CADPS2: variants seen among roughly 807,000 people sequenced by gnomAD.
The protein encoded by CADPS2 is calcium dependent secretion activator 2, also known as calcium-dependent secretion activator 2.
CADPS2 carries 93 observed loss-of-function variants against 172.5 expected under a neutral mutation model. That is an observed-to-expected ratio of 0.54 (90% CI 0.46 to 0.64). CADPS2 has a LOEUF of 0.64. Among genes scored for constraint, CADPS2 ranks in the 30% least tolerant of loss-of-function variants. CADPS2 has a pLI of 0.00. For missense variants in CADPS2, 1,420 were observed against 1,565.9 expected (o/e 0.91, Z 1.57); for synonymous variants, 546 against 555.2 (o/e 0.98, Z 0.23).
chr7:122,375,692 C>T (rs575975781), intron 25 of CADPS2, among the ~76,000 whole-genome samples: 31 of 152,176 alleles, frequency 2.0e-4, no homozygotes, highest in African/African-American at 7.0e-4. Flanking sequence ...AGTTTCTTGA[C>T]ATTGGCCGTA....
At chr7:122,862,695 A>T (rs528358213) in intron 1 of CADPS2, among the ~76,000 whole-genome samples, 1 of 152,078 alleles carries the variant, frequency 6.6e-6, no homozygotes, top group South Asian at 2.1e-4. Context: ...CTGGACCCTA[A>T]CTCAATAATG....
intron 1 of CADPS2, among the ~76,000 whole-genome samples, chr7:122,829,325 A>T (rs1351307442): frequency 6.6e-6 from 1 of 152,172 alleles, no homozygotes; most frequent in Non-Finnish European, 1.5e-5. Flanking sequence ...TTCCTTCAAC[A>T]TTAGGATGAA....
intron 8 of CADPS2, among the ~76,000 whole-genome samples, chr7:122,534,490 T>C (rs972539718): frequency 2.0e-5 from 3 of 152,096 alleles, no homozygotes; most frequent in Non-Finnish European, 4.4e-5. Flanking sequence ...GCTTAAGGCA[T>C]AGTTATAAAT....
chr7:122,395,047 A>G (rs1259361042), intron 20 of CADPS2, among the ~76,000 whole-genome samples: 1 of 152,236 alleles, frequency 6.6e-6, no homozygotes, highest in Non-Finnish European at 1.5e-5. Context: ...AGCAACTCCA[A>G]TAGCAGTGTC....
intron 6 of CADPS2, among the ~76,000 whole-genome samples, chr7:122,602,143 A>C (rs1181878552): frequency 3.9e-5 from 6 of 151,946 alleles, no homozygotes; most frequent in Non-Finnish European, 8.8e-5. Context: ...GCAGATTCAC[A>C]TACCTATAAA....
chr7:122,808,293 A>G (rs1799253294), intron 1 of CADPS2, among the ~76,000 whole-genome samples: 1 of 152,196 alleles, frequency 6.6e-6, no homozygotes, highest in South Asian at 2.1e-4. Flanking sequence ...TTTTTACAAC[A>G]TTAGTATTTC....
intron 5 of CADPS2, 97 bp downstream of exon 5, chr7:122,621,384 C>G (rs571442622): frequency 1.3e-6 from 1 of 795,258 alleles, no homozygotes; most frequent in Admixed American, 2.4e-5. Context: ...ATATATTACA[C>G]TGTTTTAAAT....
rs546874335 is a variant in CADPS2, at chr7:122,727,304, G to C, written c.453+9651C>G. The stretch of plus-strand genomic sequence containing the variant: ...GCTCTAAACTGAGCAGCCTTTCCTT[G>C]GGCCTGGGAATTAGAAAATGCTACA... On this transcript the variant is annotated intron_variant, in intron 2 of 29. Coordinates refer to ENST00000449022, the MANE Select transcript of CADPS2 (RefSeq NM_017954.11). Among the ~76,000 whole-genome samples the C allele has an allele frequency of 5.3e-5, 8 of 151,822 alleles. 1 individual carries two copies. Among genetic ancestry groups the C allele is most frequent in the African/African-American group, 1.9e-4 (8 of 41,470 alleles).
intron 7 of CADPS2, among the ~76,000 whole-genome samples, chr7:122,561,516 G>A (rs2065778336): frequency 6.6e-6 from 1 of 152,102 alleles, no homozygotes; most frequent in African/African-American, 2.4e-5. Context: ...AAAGTAAGAT[G>A]TGTCAATCAT....
chr7:122,798,623 C>T (rs1033286356), intron 1 of CADPS2, among the ~76,000 whole-genome samples: 1 of 152,234 alleles, frequency 6.6e-6, no homozygotes, highest in African/African-American at 2.4e-5. Context: ...GGGCCCCTTA[C>T]TGAAATTGCT....
intron 28 of CADPS2, 62 bp from the exon 29 acceptor site, chr7:122,325,643 T>C (rs983377102): frequency 7.2e-6 from 7 of 978,900 alleles, no homozygotes; most frequent in Non-Finnish European, 9.6e-6. Context: ...CTCTGCAGTA[T>C]TCATTTAACA....
At chr7:122,469,407 T>C (rs2055601569) in intron 14 of CADPS2, among the ~76,000 whole-genome samples, 1 of 152,214 alleles carries the variant, frequency 6.6e-6, no homozygotes, top group Non-Finnish European at 1.5e-5. Context: ...GTCTATTTTT[T>C]GATATCCCCT....
chr7:122,336,736 C>G (rs559469979), intron 28 of CADPS2, among the ~76,000 whole-genome samples: 3 of 152,144 alleles, frequency 2.0e-5, no homozygotes, highest in Non-Finnish European at 4.4e-5. Context: ...AATTTCTCCA[C>G]GAAAATGAAA....
intron 15 of CADPS2, among the ~76,000 whole-genome samples, chr7:122,450,901 T>C (rs1586172056): frequency 6.6e-6 from 1 of 151,980 alleles, no homozygotes; most frequent in East Asian, 1.9e-4. Flanking sequence ...AGAATGTAAG[T>C]AAAAAGATAA....
At chr7:122,849,350 T>C (rs1299289703) in intron 1 of CADPS2, among the ~76,000 whole-genome samples, 1 of 152,206 alleles carries the variant, frequency 6.6e-6, no homozygotes, top group East Asian at 1.9e-4. Flanking sequence ...AACATTTTAA[T>C]TTGCATTTTA....
chr7:122,805,676 G>C (rs905950703), intron 1 of CADPS2, among the ~76,000 whole-genome samples: 8 of 152,190 alleles, frequency 5.3e-5, no homozygotes, highest in Middle Eastern at 3.4e-3. Context: ...CAGGTATCAG[G>C]AGAAGCCACA....
At chr7:122,447,851 C>A (rs939457731) in intron 15 of CADPS2, among the ~76,000 whole-genome samples, 7 of 151,998 alleles carry the variant, frequency 4.6e-5, no homozygotes, top group Admixed American at 6.6e-5. Context: ...CTGCACCCAG[C>A]CAGTTTCAGG....
chr7:122,594,130 T>C (rs769967943), intron 6 of CADPS2, among the ~76,000 whole-genome samples: 4 of 152,042 alleles, frequency 2.6e-5, no homozygotes, highest in African/African-American at 4.8e-5. Context: ...CACAAAGTTA[T>C]TTGTTTCTTC....
At chr7:122,373,727 A>G (rs2042028623) in intron 25 of CADPS2, among the ~76,000 whole-genome samples, 1 of 152,214 alleles carries the variant, frequency 6.6e-6, no homozygotes. Context: ...ACAAATAAGG[A>G]GACTCAATCT....
Sources: gnomAD v4.1 joint callset for allele counts (sites outside exome capture counted in the v4.1 genomes callset) on GRCh38, gnomAD v4.1.1 for gene constraint, MANE v1.5 for transcripts, NCBI Gene and HGNC (gene_info 2026-07-23, HGNC 2026-07-21) for gene names.